Variants in INSR observed in about 807,000 individuals in gnomAD.
INSR encodes the protein insulin receptor.
INSR carries 67 observed loss-of-function variants against 142.6 expected under a neutral mutation model. The ratio of observed to expected loss-of-function variants is 0.47; its 90% confidence interval spans 0.39 to 0.58. The LOEUF (loss-of-function observed/expected upper bound fraction) is 0.58. Ranked by LOEUF, INSR falls within the 20% of genes least tolerant of loss-of-function variation. INSR has a pLI of 0.00. For synonymous variants in INSR, 756 were observed against 743.1 expected (o/e 1.02, Z -0.28); for missense variants, 1,248 against 1,833.2 (o/e 0.68, Z 5.83).
Position 7,141,783 on chromosome 19 carries a change from T to C in INSR, c.2576A>G (p.His859Arg), listed in dbSNP as rs1202340614. ...GACGACGTTGTTCTCAAAGATTTCA[T>C]GCGTCACAGGGCCAACAATGTCATC... ...KADDIVGPVT[H>R]EIFENNVVHL... Residue 859 changes from histidine (H) to arginine (R), a missense_variant, in exon 13 of 22, where the codon CAT becomes CGT. His to Arg is a conservative substitution (Grantham distance 29). Around this residue, in one of 3 missense-constraint regions of INSR, gnomAD observed 1,069 missense variants for 1,654.0 expected, o/e 0.65. Coordinates refer to ENST00000302850, the MANE Select transcript of INSR (RefSeq NM_000208.4). 3 of 1,614,046 alleles carry C rather than the reference T, an allele frequency of 1.9e-6. No homozygotes were observed. Among genetic ancestry groups the C allele is most frequent in the South Asian group, 1.1e-5 (1 of 91,088 alleles).
Position 7,225,944 on chromosome 19 carries a change from C to T in INSR, c.653-41307G>A, listed in dbSNP as rs1600057479. ...GGCCCCACCCCAGAGAACAATCCAG[C>T]CCCAGTATCCGCAGGCCCCAGGTGG... On this transcript the variant is annotated intron_variant, in intron 2 of 21. Transcript: ENST00000302850. The surrounding 1 kb of genome is among the most constrained non-coding windows in gnomAD (Gnocchi z 4.7). Among the ~76,000 whole-genome samples the T allele has an allele frequency of 1.3e-5, 2 of 152,304 alleles. No individual in the cohort carries two copies. The highest frequency in any genetic ancestry group is 1.3e-4 in the Admixed American group (2 of 15,300).
In INSR at chr19:7,237,072, G is replaced by C. The variant is rs370613070; in HGVS notation, c.652+30273C>G. On this transcript the variant is annotated intron_variant, in intron 2 of 21. Coordinates refer to ENST00000302850, the MANE Select transcript of INSR (RefSeq NM_000208.4). The stretch of plus-strand genomic sequence containing the variant: ...ACAATAGACTTTGGGGACTCAGGGG[G>C]AAAGGATAGGAAGTGAGTGAGGGAT... Among the ~76,000 whole-genome samples, 111 of 151,638 alleles carry C rather than the reference G, an allele frequency of 7.3e-4. 1 individual carries two copies. The highest frequency in any genetic ancestry group is 2.5e-3 in the African/African-American group (102 of 41,332).
chr19:7,156,205 C>A (rs1339305358), intron 9 of INSR, among the ~76,000 whole-genome samples: 1 of 151,398 alleles, frequency 6.6e-6, no homozygotes, highest in Admixed American at 6.6e-5. Context: ...GGATTACAGG[C>A]GCCTGCCACC....
intron 2 of INSR, among the ~76,000 whole-genome samples, chr19:7,266,632 G>C (rs889084986): frequency 6.6e-6 from 1 of 152,074 alleles, no homozygotes; most frequent in South Asian, 2.1e-4. Context: ...TGGTCCACCC[G>C]CCTCAGCCTC....
At position 7,192,669 on chromosome 19, in the gene INSR, C is replaced by T. The variant is rs184402104; in HGVS notation, c.653-8032G>A. Among the ~76,000 whole-genome samples, 7 of 152,314 alleles carry T rather than the reference C, an allele frequency of 4.6e-5. No homozygotes were observed. The highest frequency in any genetic ancestry group is 1.3e-4 in the Admixed American group (2 of 15,290). Reference sequence around the variant, plus strand: ...CCCTCACACCTGCACACAAGTGCTGCTGTGTATGTAGGGAACATCTACCCA... The same window carrying T: ...CCCTCACACCTGCACACAAGTGCTGTTGTGTATGTAGGGAACATCTACCCA... On this transcript the variant is annotated intron_variant, in intron 2 of 21. Transcript: ENST00000302850. The surrounding 1 kb of genome is among the most constrained non-coding windows in gnomAD (Gnocchi z 4.2).
chr19:7,283,054 G>T (rs182029764), intron 1 of INSR, among the ~76,000 whole-genome samples: 1 of 151,952 alleles, frequency 6.6e-6, no homozygotes, highest in East Asian at 1.9e-4. Context: ...TTAGCTAGTC[G>T]TGGTAGCACA....
At chr19:7,202,901 A>C (rs1446589608) in intron 2 of INSR, among the ~76,000 whole-genome samples, 1 of 152,044 alleles carries the variant, frequency 6.6e-6, no homozygotes, top group Non-Finnish European at 1.5e-5. Flanking sequence ...AAGCTTTTAA[A>C]AATTAATTCC....
intron 2 of INSR, among the ~76,000 whole-genome samples, chr19:7,193,100 T>C (rs1974643661): frequency 6.6e-6 from 1 of 151,680 alleles, no homozygotes; most frequent in Non-Finnish European, 1.5e-5. Context: ...TGCAATTTGA[T>C]GCAGTATTTC....
chr19:7,176,999 C>T (rs991976242), intron 3 of INSR, among the ~76,000 whole-genome samples: 1 of 152,156 alleles, frequency 6.6e-6, no homozygotes, highest in African/African-American at 2.4e-5. Context: ...TGTAACATGA[C>T]CCCATGTTTA....
intron 1 of INSR, among the ~76,000 whole-genome samples, chr19:7,292,924 A>T (rs1487370917): frequency 6.6e-6 from 1 of 152,112 alleles, no homozygotes; most frequent in Non-Finnish European, 1.5e-5. Context: ...CAGACAAGGG[A>T]CAGTAGTCCA....
Position 7,125,006 on chromosome 19 carries a change from G to A in INSR, c.3258+277C>T, listed in dbSNP as rs774061670. 2.6e-5 allele frequency among the ~76,000 whole-genome samples: 4 copies of A among 152,030 alleles called. No individual in the cohort carries two copies. Among genetic ancestry groups the A allele is most frequent in the Non-Finnish European group, 5.9e-5 (4 of 68,004 alleles). On this transcript the variant is annotated intron_variant, in intron 17 of 21. Transcript: ENST00000302850. The surrounding 1 kb of genome is among the most constrained non-coding windows in gnomAD (Gnocchi z 4.9). ...GTGGTGGAAGATTCCAGAAAATGAT[G>A]GAAGATTCCAGAAAGTGATGAAAGA...
intron 2 of INSR, among the ~76,000 whole-genome samples, chr19:7,229,136 G>T (rs566891887): frequency 6.6e-4 from 100 of 151,100 alleles, no homozygotes; most frequent in Non-Finnish European, 1.2e-3. Context: ...AATGGATGAA[G>T]GGTGACTGAA....
chr19:7,150,549 A>G lies in INSR; in HGVS notation c.2232-17T>C. The G allele has an allele frequency of 6.2e-7, 1 of 1,613,948 alleles. No homozygotes were observed. On this transcript the variant is annotated splice_polypyrimidine_tract_variant and intron_variant, in intron 10 of 21. Coordinates refer to ENST00000302850, the MANE Select transcript of INSR (RefSeq NM_000208.4). The surrounding 1 kb of genome is among the most constrained non-coding windows in gnomAD (Gnocchi z 4.2). ...GAGGTTTTTCTGTGGAAACAAAACC[A>G]ACGCCTTTGAGGACAGAGGGAACTT... is the stretch of plus-strand genomic sequence containing the variant.
Position 7,184,656 on chromosome 19 carries a change from AG to A in INSR, c.653-20del. 3 of 1,433,642 alleles carry A rather than the reference AG, an allele frequency of 2.1e-6. No homozygotes were observed. Among genetic ancestry groups the A allele is most frequent in the East Asian group, 4.7e-5 (2 of 42,454 alleles). 88.8% of individuals were successfully genotyped at this position (1,433,642 alleles called of 1,614,324 possible). A position where few individuals can be genotyped will look rare whatever the true frequency, so the allele number is the denominator to read the frequency against. On this transcript the variant is annotated intron_variant, in intron 2 of 21. Transcript: ENST00000302850. ...GGGCAAACTGGAGAGAGAGAGAGAG[AG>A]AGAGGGAAATAAATAAATAAATAAA...
intron 17 of INSR, chr19:7,123,293 C>G (rs8100252): frequency 5.5e-6 from 2 of 364,364 alleles, no homozygotes; most frequent in Admixed American, 7.8e-5. Flanking sequence ...CTCAGTCTCC[C>G]GAGTAGCTGG....
At chr19:7,223,076 G>A (rs767210977) in intron 2 of INSR, among the ~76,000 whole-genome samples, 3 of 152,062 alleles carry the variant, frequency 2.0e-5, no homozygotes, top group African/African-American at 4.8e-5. Flanking sequence ...CCAGCTACTC[G>A]GGAGGCTGAG....
chr19:7,191,502 T>C (rs1413575719), intron 2 of INSR, among the ~76,000 whole-genome samples: 1 of 152,000 alleles, frequency 6.6e-6, no homozygotes, highest in Non-Finnish European at 1.5e-5. Context: ...CTCGGATTGT[T>C]AGACAGAATG....
chr19:7,152,950 G>A, intron 9 of INSR, 23 bp from the exon 10 acceptor site: 1 of 1,590,674 alleles, frequency 6.3e-7, no homozygotes, highest in South Asian at 1.1e-5. Flanking sequence ...ACAGAAAAGG[G>A]GGGCTCAAGT....
chr19:7,120,830 C>G, intron 19 of INSR, 81 bp from the exon 20 acceptor site: 1 of 1,574,616 alleles, frequency 6.4e-7, no homozygotes, highest in Non-Finnish European at 8.7e-7. Flanking sequence ...CCACCTCTCA[C>G]AGAGCCCTAA....
Sources: allele counts gnomAD v4.1 joint callset (sites outside exome capture counted in the v4.1 genomes callset), GRCh38; gene constraint gnomAD v4.1.1; regional missense constraint gnomAD v4.1.1; non-coding constraint Gnocchi (gnomAD v3.1); transcripts MANE v1.5; gene names NCBI Gene and HGNC (gene_info 2026-07-23, HGNC 2026-07-21).